Variants in ACTA2 observed in about 807,000 individuals in gnomAD.
ACTA2 encodes the protein actin alpha 2, smooth muscle, also known as actin, aortic smooth muscle.
ACTA2 carries 12 observed loss-of-function variants against 39.5 expected under a neutral mutation model. The observed-to-expected ratio is 0.30, with a 90% CI of 0.19 to 0.49. The LOEUF is 0.49. Ranked by LOEUF, ACTA2 falls within the 20% of genes least tolerant of loss-of-function variation. The pLI, the probability that ACTA2 is intolerant of heterozygous loss-of-function variation, is 0.99. For missense variants in ACTA2, 236 were observed against 498.8 expected (o/e 0.47, Z 5.02); for synonymous variants, 158 against 180.6 (o/e 0.88, Z 1.00).
intron 1 of ACTA2, 48 bp from the exon 2 acceptor site, chr10:88,949,001 T>G: frequency 1.9e-6 from 3 of 1,604,400 alleles, no homozygotes; most frequent in Non-Finnish European, 2.6e-6. Flanking sequence ...TGGGCATTTG[T>G]GGCACTTACC....
chr10:88,990,556 T>G lies in ACTA2; in HGVS notation c.-24+383A>C, dbSNP rs1007677930. On this transcript the variant is annotated intron_variant, in intron 1 of 4. Coordinates refer to the ACTA2 transcript ENST00000415557. This position sits in a 1 kb window ranked among gnomAD's most constrained non-coding sequence, Gnocchi z 4.9. ...CCTACCCGCGCGCAGGCCAAGTTGC[T>G]GAATCAATGGAGCCCTCCCCAACCC... 356 of 638,398 alleles carry G rather than the reference T, an allele frequency of 5.6e-4. 4 individuals carry two copies. The Admixed American group carries it at 7.3e-3, about 13-fold the overall frequency. 39.5% of individuals were successfully genotyped at this position (638,398 alleles called of 1,614,324 possible). A position where few individuals can be genotyped will look rare whatever the true frequency, so the allele number is the denominator to read the frequency against.
upstream of ACTA2, among the ~76,000 whole-genome samples, chr10:88,953,831 C>T (rs2133285193): frequency 6.6e-6 from 1 of 152,294 alleles, no homozygotes; most frequent in South Asian, 2.1e-4. Context: ...CTCTCGCCTG[C>T]TGCCATGTAA....
intron 1 of ACTA2, among the ~76,000 whole-genome samples, chr10:88,989,735 G>A (rs539673987): frequency 6.6e-6 from 1 of 152,340 alleles, no homozygotes; most frequent in South Asian, 2.1e-4. Flanking sequence ...GGTTATTAAT[G>A]TGTTATTAAT....
chr10:88,991,054 G>C, exon 1 of ACTA2: 1 of 1,022,084 alleles, frequency 9.8e-7, no homozygotes, highest in South Asian at 1.4e-5. Context: ...GGAGGCGTTG[G>C]AGACTGGCTC....
chr10:88,981,398 G>A (rs1208392527), intron 1 of ACTA2, among the ~76,000 whole-genome samples: 2 of 149,526 alleles, frequency 1.3e-5, no homozygotes, highest in Non-Finnish European at 3.0e-5. Context: ...TTTTTTTAAA[G>A]AACTGGCCAT....
At chr10:88,974,778 G>C (rs1846526314) in intron 1 of ACTA2, 2 of 152,100 alleles carry the variant, frequency 1.3e-5, no homozygotes, top group Admixed American at 6.5e-5. Flanking sequence ...AAGCATTTTT[G>C]GGATCCTGAT....
rs1414925801 is a variant in ACTA2 at position 88,990,702 on chromosome 10, G to A, written c.-24+237C>T. 1.3e-6 allele frequency: 1 copy of A among 743,006 alleles called. No homozygotes were observed. Among genetic ancestry groups the A allele is most frequent in the Non-Finnish European group, 2.4e-6 (1 of 419,106 alleles). The allele number at this position is 743,006 out of a possible 1,614,324, so 46.0% of individuals were successfully genotyped here. On this transcript the variant is annotated intron_variant, in intron 1 of 4. Coordinates refer to the ACTA2 transcript ENST00000415557. The surrounding 1 kb of genome is among the most constrained non-coding windows in gnomAD (Gnocchi z 4.9). ...TTCAAAGACGCTTCTGGGGAGTGAG[G>A]GAAGCGGTTTACGAGTGACTTGGCT...
intron 1 of ACTA2, among the ~76,000 whole-genome samples, chr10:88,972,641 A>C (rs1232544601): frequency 6.6e-6 from 1 of 152,156 alleles, no homozygotes; most frequent in Non-Finnish European, 1.5e-5. Flanking sequence ...TAGGGATTAC[A>C]ATATACATCC....
exon 1 of ACTA2, chr10:88,991,278 G>C (rs1196646052): frequency 2.3e-6 from 1 of 428,096 alleles, no homozygotes; most frequent in Non-Finnish European, 4.4e-6. Context: ...GCTGGAGGGG[G>C]ACCCCGGTTG....
At chr10:88,956,655 C>T (rs554453540), upstream of ACTA2, among the ~76,000 whole-genome samples, 567 of 152,272 alleles carry the variant, frequency 3.7e-3, 5 homozygotes, top group African/African-American at 0.013. Context: ...AATGTGTTTG[C>T]CATTACATGT....
chr10:88,962,982 T>G (rs1439680854), intron 1 of ACTA2, among the ~76,000 whole-genome samples: 1 of 125,778 alleles, frequency 8.0e-6, no homozygotes, highest in Non-Finnish European at 1.7e-5. Context: ...TATATAATAT[T>G]TTTTTTTTTG....
At chr10:88,955,296 A>C (rs1189312446), upstream of ACTA2, among the ~76,000 whole-genome samples, 1 of 152,254 alleles carries the variant, frequency 6.6e-6, no homozygotes, top group Non-Finnish European at 1.5e-5. Context: ...ATGTCTGGTA[A>C]GGAAAATGAT....
intron 8 of ACTA2, among the ~76,000 whole-genome samples, chr10:88,937,653 T>G (rs1481243009): frequency 6.6e-6 from 1 of 152,174 alleles, no homozygotes. Context: ...TATAAGCTCC[T>G]CCTAAATCTA....
intron 6 of ACTA2, 41 bp downstream of exon 6, chr10:88,941,188 C>CA: frequency 6.2e-7 from 1 of 1,611,862 alleles, no homozygotes; most frequent in South Asian, 1.1e-5. Context: ...TACTGAGCAA[C>CA]ACACTGCTCC....
In ACTA2 at chr10:88,963,723, AG is replaced by A. The variant is rs542756408; in HGVS notation, c.-23-14771del. On this transcript the variant is annotated intron_variant, in intron 1 of 4. Coordinates refer to the ACTA2 transcript ENST00000415557. Reference sequence around the variant, plus strand: ...GGCTAGTGAAGAAGGTGAGTTGACAAGCTTGGGCATTACCATTTTGGGTCAA... The same window carrying A: ...GGCTAGTGAAGAAGGTGAGTTGACAACTTGGGCATTACCATTTTGGGTCAA... Among the ~76,000 whole-genome samples, 425 of 152,276 alleles carry A rather than the reference AG, an allele frequency of 2.8e-3. 3 individuals are homozygous for A. Among genetic ancestry groups the A allele is most frequent in the African/African-American group, 1.0e-2 (414 of 41,568 alleles).
chr10:88,941,564 A>G (rs1845852977), intron 5 of ACTA2, among the ~76,000 whole-genome samples, 174 bp from the exon 6 acceptor site: 1 of 152,196 alleles, frequency 6.6e-6, no homozygotes, highest in African/African-American at 2.4e-5. Context: ...GAAGATGAAA[A>G]AAAGTAAAGA....
At chr10:88,976,554 A>G (rs1008022201) in intron 1 of ACTA2, among the ~76,000 whole-genome samples, 1 of 152,220 alleles carries the variant, frequency 6.6e-6, no homozygotes, top group East Asian at 1.9e-4. Context: ...TTGTAGTTCT[A>G]TAGCAAAAAC....
chr10:88,958,498 C>T (rs192614526), intron 1 of ACTA2, among the ~76,000 whole-genome samples: 1 of 152,110 alleles, frequency 6.6e-6, no homozygotes, highest in East Asian at 1.9e-4. Context: ...AGTGGTAGAG[C>T]AGGGATTCAA....
chr10:88,973,347 G>A, intron 1 of ACTA2: 1 of 1,496,090 alleles, frequency 6.7e-7, no homozygotes, highest in Non-Finnish European at 8.9e-7. Context: ...AAGGTGATTA[G>A]GTAATCCAAG....
Sources: gnomAD v4.1 joint callset for allele counts (sites outside exome capture counted in the v4.1 genomes callset) on GRCh38, gnomAD v4.1.1 for gene constraint, Gnocchi (gnomAD v3.1) non-coding constraint, MANE v1.5 for transcripts, NCBI Gene and HGNC (gene_info 2026-07-23, HGNC 2026-07-21) for gene names.